The following IFITM1 variants were observed in gnomAD, a reference collection of about 807,000 sequenced individuals.
The protein encoded by IFITM1 is interferon-induced transmembrane protein 1.
A neutral mutation model predicts 4.0 loss-of-function variants in IFITM1; 1 was observed. The ratio of observed to expected loss-of-function variants is 0.25; its 90% CI spans 0.09 to 1.18. The LOEUF is 1.18. IFITM1 is among the 50% of genes most tolerant of loss of function. The pLI is 0.50. For synonymous variants in IFITM1, 79 were observed against 69.7 expected, an observed-to-expected ratio of 1.13 and a Z score of -0.67; for missense variants, 131 against 163.2, an observed-to-expected ratio of 0.80 and a Z score of 1.08.
At position 314,100 on chromosome 11, in the gene IFITM1, G is replaced by T; in HGVS notation, c.-71G>T. ...GTCCCAGCATCCGGACACCACAGCGGCCCTTCGCTCCACGCAGAAAACCAC... is the reference window on the plus strand; with the variant it reads ...GTCCCAGCATCCGGACACCACAGCGTCCCTTCGCTCCACGCAGAAAACCAC... On this transcript the variant is annotated 5_prime_UTR_variant, in exon 1 of 2. Coordinates refer to ENST00000408968, the MANE Select transcript of IFITM1 (RefSeq NM_003641.5). This position sits in a 1 kb window ranked among gnomAD's most constrained non-coding sequence, Gnocchi z 4.5. The T allele has an allele frequency of 7.2e-7, 1 of 1,397,236 alleles. No individual in the cohort carries two copies. The highest frequency in any genetic ancestry group is 1.0e-6 in the Non-Finnish European group (1 of 988,712). The allele number at this position is 1,397,236 out of a possible 1,614,324, so 86.6% of individuals were successfully genotyped here. A position where few individuals can be genotyped will look rare whatever the true frequency, so the allele number is the denominator to read the frequency against.
Position 315,171 on chromosome 11 carries a change from T to A in IFITM1, c.*58T>A. 1 of 1,543,158 alleles carries A rather than the reference T, an allele frequency of 6.5e-7. No individual in the cohort carries two copies. The highest frequency in any genetic ancestry group is 8.9e-7 in the Non-Finnish European group (1 of 1,122,230). On this transcript the variant is annotated 3_prime_UTR_variant, in exon 2 of 2. Transcript: ENST00000408968. ...ACTGTGCAATGCTGGCCCTGCACGC[T>A]GGGGCTGTTGCCCCTGCCCCCTTGG...
At position 315,250 on chromosome 11, in the gene IFITM1, C is replaced by A; in HGVS notation, c.*137C>A. On this transcript the variant is annotated 3_prime_UTR_variant, in exon 2 of 2. Coordinates refer to ENST00000408968, the MANE Select transcript of IFITM1 (RefSeq NM_003641.5). ...CCACACACCTGTCTACAGTGTCATTCAATAAAGTGCACGTGCTTGTGATGA... is the reference window on the plus strand; with the variant it reads ...CCACACACCTGTCTACAGTGTCATTAAATAAAGTGCACGTGCTTGTGATGA... 1 of 788,910 alleles carries A rather than the reference C, an allele frequency of 1.3e-6. No individual in the cohort carries two copies. The highest frequency in any genetic ancestry group is 2.1e-6 in the Non-Finnish European group (1 of 486,974). 48.9% of individuals were successfully genotyped at this position (788,910 alleles called of 1,614,324 possible). A position where few individuals can be genotyped will look rare whatever the true frequency, so the allele number is the denominator to read the frequency against.
Position 314,177 on chromosome 11 carries a change from A to AAGG in IFITM1, c.12_14dup (p.Glu5dup), listed in dbSNP as rs755067631. ...CCTTCCCCAAAGCCAGAAGATGCAC[A>AAGG]AGGAGGAACATGAGGTGGCTGTGCT... On this transcript the variant is annotated inframe_insertion, in exon 1 of 2. Coordinates refer to ENST00000408968, the MANE Select transcript of IFITM1 (RefSeq NM_003641.5). The surrounding 1 kb of genome is among the most constrained non-coding windows in gnomAD (Gnocchi z 4.5). The AAGG allele has an allele frequency of 1.9e-5, 30 of 1,613,828 alleles. No individual in the cohort carries two copies. The highest frequency in any genetic ancestry group is 2.5e-5 in the Non-Finnish European group (30 of 1,179,824).
chr11:315,206 T>A lies in IFITM1; in HGVS notation c.*93T>A. The A allele has an allele frequency of 1.6e-6, 2 of 1,212,224 alleles. No individual in the cohort carries two copies. The highest frequency in any genetic ancestry group is 2.4e-6 in the Non-Finnish European group (2 of 837,018). The allele number at this position is 1,212,224 out of a possible 1,614,324, so 75.1% of individuals were successfully genotyped here. ...GCCCCTGCCCCCTTGGTCCTGCCCC[T>A]AGATACAGCAGTTTATACCCACACA... On this transcript the variant is annotated 3_prime_UTR_variant, in exon 2 of 2. Transcript: ENST00000408968.
rs1564850341 is a variant in IFITM1 at position 315,170 on chromosome 11, C to T, written c.*57C>T. The stretch of plus-strand genomic sequence containing the variant: ...CACTGTGCAATGCTGGCCCTGCACG[C>T]TGGGGCTGTTGCCCCTGCCCCCTTG... On this transcript the variant is annotated 3_prime_UTR_variant, in exon 2 of 2. Transcript: ENST00000408968. 1 of 1,560,476 alleles carries T rather than the reference C, an allele frequency of 6.4e-7. No individual in the cohort carries two copies. Among genetic ancestry groups the T allele is most frequent in the Non-Finnish European group, 8.8e-7 (1 of 1,137,490 alleles).
chr11:314,192 G>A lies in IFITM1; in HGVS notation c.22G>A (p.Val8Met), dbSNP rs1343943325. Residue 8 changes from valine (V) to methionine (M), a missense_variant, in exon 1 of 2, where the codon GTG (valine) becomes ATG (methionine). By Grantham distance (21) the Val-to-Met change is conservative. This residue lies in a region of IFITM1 where 77 missense variants were observed against 80.1 expected (regional missense o/e 0.96). Transcript: ENST00000408968. This position sits in a 1 kb window ranked among gnomAD's most constrained non-coding sequence, Gnocchi z 4.5. MHKEEHEVAVLGPPPSTI... is the reference protein window; with the variant it reads MHKEEHEMAVLGPPPSTI... Reference sequence around the variant, plus strand: ...GAAGATGCACAAGGAGGAACATGAGGTGGCTGTGCTGGGGCCACCCCCCAG... The same window carrying A: ...GAAGATGCACAAGGAGGAACATGAGATGGCTGTGCTGGGGCCACCCCCCAG... The A allele has an allele frequency of 6.2e-7, 1 of 1,613,930 alleles. No individual in the cohort carries two copies. Among genetic ancestry groups the A allele is most frequent in the Non-Finnish European group, 8.5e-7 (1 of 1,179,968 alleles).
rs1022291727 is a variant in IFITM1 at position 314,044 on chromosome 11, C to T, written c.-127C>T. 6.9e-6 allele frequency: 5 copies of T among 726,200 alleles called. No individual in the cohort carries two copies. Among genetic ancestry groups the T allele is most frequent in the Non-Finnish European group, 9.5e-6 (4 of 423,280 alleles). The allele number at this position is 726,200 out of a possible 1,614,324, so 45.0% of individuals were successfully genotyped here. A position where few individuals can be genotyped will look rare whatever the true frequency, so the allele number is the denominator to read the frequency against. ...AATACACACTTCTGAGAAACTGAAA[C>T]GACAGGGGAAAGGAGGTCTCACTGA... On this transcript the variant is annotated 5_prime_UTR_variant, in exon 1 of 2. The change creates a new upstream start codon in the 5' untranslated region. Transcript: ENST00000408968. The surrounding 1 kb of genome is among the most constrained non-coding windows in gnomAD (Gnocchi z 4.5).
rs373112031 is a variant in IFITM1 at position 314,351 on chromosome 11, G to A, written c.181G>A (p.Val61Met). Residue 61 changes from valine to methionine, a missense_variant, in exon 1 of 2, where the codon GTG (valine) becomes ATG (methionine). This residue lies in a region of IFITM1 where 77 missense variants were observed against 80.1 expected (regional missense o/e 0.96). Coordinates refer to ENST00000408968, the MANE Select transcript of IFITM1 (RefSeq NM_003641.5). This position sits in a 1 kb window ranked among gnomAD's most constrained non-coding sequence, Gnocchi z 4.5. Reference sequence around the variant, plus strand: ...GGGCTTCATAGCATTCGCCTACTCCGTGAAGGTGCGTATGGCCCTGGCGGA... The same window carrying A: ...GGGCTTCATAGCATTCGCCTACTCCATGAAGGTGCGTATGGCCCTGGCGGA... ...CLGFIAFAYS[V>M]KSRDRKMVGD... The A allele has an allele frequency of 3.4e-5, 55 of 1,613,818 alleles. No homozygotes were observed. The highest frequency in any genetic ancestry group is 9.3e-5 in the African/African-American group (7 of 74,926).
chr11:314,268 T>C lies in IFITM1; in HGVS notation c.98T>C (p.Val33Ala), dbSNP rs1846031924. 1 of 1,613,814 alleles carries C rather than the reference T, an allele frequency of 6.2e-7. No homozygotes were observed. Among genetic ancestry groups the C allele is most frequent in the African/African-American group, 1.3e-5 (1 of 74,890 alleles). Reference protein sequence around the residue: ...TVINIHSETSVPDHVVWSLFN... With the variant: ...TVINIHSETSAPDHVVWSLFN... ...ATCAACATCCACAGCGAGACCTCCGTGCCCGACCATGTCGTCTGGTCCCTG... is the reference window on the plus strand; with the variant it reads ...ATCAACATCCACAGCGAGACCTCCGCGCCCGACCATGTCGTCTGGTCCCTG... Residue 33 changes from valine (V) to alanine (A), a missense_variant, in exon 1 of 2, where the codon GTG (valine) becomes GCG (alanine). This residue lies in a region of IFITM1 where 77 missense variants were observed against 80.1 expected (regional missense o/e 0.96). Coordinates refer to ENST00000408968, the MANE Select transcript of IFITM1 (RefSeq NM_003641.5). This position sits in a 1 kb window ranked among gnomAD's most constrained non-coding sequence, Gnocchi z 4.5.
Position 314,365 on chromosome 11 carries a change from G to A in IFITM1, c.186+9G>A, listed in dbSNP as rs1846033304. 3.1e-6 allele frequency: 5 copies of A among 1,613,556 alleles called. No individual in the cohort carries two copies. The East Asian group carries it at 1.1e-4, about 36-fold the overall frequency. ...TCGCCTACTCCGTGAAGGTGCGTAT[G>A]GCCCTGGCGGAAATCCAGGGGGTGC... On this transcript the variant is annotated intron_variant, in intron 1 of 1. Transcript: ENST00000408968. This position sits in a 1 kb window ranked among gnomAD's most constrained non-coding sequence, Gnocchi z 4.5.
In IFITM1 at chr11:314,316, G is replaced by C. The variant is rs747717593; in HGVS notation, c.146G>C (p.Trp49Ser). Residue 49 changes from tryptophan (W) to serine (S), a missense_variant, in exon 1 of 2, where the codon TGG becomes TCG. By Grantham distance (177) the Trp-to-Ser change is radical. Around this residue, in one of 3 missense-constraint regions of IFITM1, gnomAD observed 77 missense variants for 80.1 expected, o/e 0.96. Coordinates refer to ENST00000408968, the MANE Select transcript of IFITM1 (RefSeq NM_003641.5). This position sits in a 1 kb window ranked among gnomAD's most constrained non-coding sequence, Gnocchi z 4.5. Reference sequence around the variant, plus strand: ...CTGTTCAACACCCTCTTCTTGAACTGGTGCTGTCTGGGCTTCATAGCATTC... The same window carrying C: ...CTGTTCAACACCCTCTTCTTGAACTCGTGCTGTCTGGGCTTCATAGCATTC... ...WSLFNTLFLN[W>S]CCLGFIAFAY... 1.9e-6 allele frequency: 3 copies of C among 1,613,816 alleles called. No homozygotes were observed. The highest frequency in any genetic ancestry group is 1.3e-5 in the African/African-American group (1 of 74,908).
Position 314,149 on chromosome 11 carries a change from C to T in IFITM1, c.-22C>T. On this transcript the variant is annotated 5_prime_UTR_variant, in exon 1 of 2. Transcript: ENST00000408968. This position sits in a 1 kb window ranked among gnomAD's most constrained non-coding sequence, Gnocchi z 4.5. Reference sequence around the variant, plus strand: ...ACACTTCTCAAACCTTCACTCAACACTTCCTTCCCCAAAGCCAGAAGATGC... The same window carrying T: ...ACACTTCTCAAACCTTCACTCAACATTTCCTTCCCCAAAGCCAGAAGATGC... 2 of 1,612,212 alleles carry T rather than the reference C, an allele frequency of 1.2e-6. No individual in the cohort carries two copies. The highest frequency in any genetic ancestry group is 1.7e-4 in the Middle Eastern group (1 of 6,058).
rs992420894 is a variant in IFITM1 at position 314,734 on chromosome 11, G to A, written c.187-188G>A. Among the ~76,000 whole-genome samples the A allele has an allele frequency of 6.6e-6, 1 of 152,214 alleles. No homozygotes were observed. The highest frequency in any genetic ancestry group is 2.4e-5 in the African/African-American group (1 of 41,456). Reference sequence around the variant, plus strand: ...AACTCACAGGTGACTTCACCCCATGGTGGGGAGAACAGCCTGTGCTGGGGC... The same window carrying A: ...AACTCACAGGTGACTTCACCCCATGATGGGGAGAACAGCCTGTGCTGGGGC... On this transcript the variant is annotated intron_variant, in intron 1 of 1. Transcript: ENST00000408968. The surrounding 1 kb of genome is among the most constrained non-coding windows in gnomAD (Gnocchi z 4.5).
Position 314,161 on chromosome 11 carries a change from A to G in IFITM1, c.-10A>G, listed in dbSNP as rs1134669. On this transcript the variant is annotated 5_prime_UTR_variant, in exon 1 of 2. Transcript: ENST00000408968. The surrounding 1 kb of genome is among the most constrained non-coding windows in gnomAD (Gnocchi z 4.5). ...CCTTCACTCAACACTTCCTTCCCCAAAGCCAGAAGATGCACAAGGAGGAAC... is the reference window on the plus strand; with the variant it reads ...CCTTCACTCAACACTTCCTTCCCCAGAGCCAGAAGATGCACAAGGAGGAAC... The G allele has an allele frequency of 6.2e-7, 1 of 1,613,170 alleles. No individual in the cohort carries two copies. The highest frequency in any genetic ancestry group is 1.1e-5 in the South Asian group (1 of 91,062).
chr11:315,098 A>T lies in IFITM1; in HGVS notation c.363A>T (p.Glu121Asp), dbSNP rs775879015. 1 of 1,614,136 alleles carries T rather than the reference A, an allele frequency of 6.2e-7. No homozygotes were observed. Among genetic ancestry groups the T allele is most frequent in the Non-Finnish European group, 8.5e-7 (1 of 1,179,988 alleles). Reference sequence around the variant, plus strand: ...ATATTATGTTACAGATAATACAGGAAAAACGGGGTTACTAGTAGCCGCCCA... The same window carrying T: ...ATATTATGTTACAGATAATACAGGATAAACGGGGTTACTAGTAGCCGCCCA... ...VYHIMLQIIQ[E>D]KRGY The change falls in exon 2 of 2, where the codon GAA becomes GAT. Residue 121 changes from glutamate to aspartate, a missense_variant. Around this residue, in one of 3 missense-constraint regions of IFITM1, gnomAD observed 35 missense variants for 30.1 expected, o/e 1.16. Transcript: ENST00000408968.
chr11:314,180 G>A lies in IFITM1; in HGVS notation c.10G>A (p.Glu4Lys). Residue 4 changes from glutamate (E) to lysine (K), a missense_variant, in exon 1 of 2, where the codon GAG (glutamate) becomes AAG (lysine). By Grantham distance (56) the Glu-to-Lys change is moderately conservative. Around this residue, in one of 3 missense-constraint regions of IFITM1, gnomAD observed 77 missense variants for 80.1 expected, o/e 0.96. Coordinates refer to ENST00000408968, the MANE Select transcript of IFITM1 (RefSeq NM_003641.5). The surrounding 1 kb of genome is among the most constrained non-coding windows in gnomAD (Gnocchi z 4.5). MHKEEHEVAVLGPP... is the reference protein window; with the variant it reads MHKKEHEVAVLGPP... ...TCCCCAAAGCCAGAAGATGCACAAGGAGGAACATGAGGTGGCTGTGCTGGG... is the reference window on the plus strand; with the variant it reads ...TCCCCAAAGCCAGAAGATGCACAAGAAGGAACATGAGGTGGCTGTGCTGGG... 2 of 1,613,912 alleles carry A rather than the reference G, an allele frequency of 1.2e-6. No homozygotes were observed. The highest frequency in any genetic ancestry group is 8.5e-7 in the Non-Finnish European group (1 of 1,179,882).
In IFITM1 at chr11:314,428, G is replaced by C. The variant is rs1846033979; in HGVS notation, c.186+72G>C. The C allele has an allele frequency of 6.4e-7, 1 of 1,570,374 alleles. No individual in the cohort carries two copies. The highest frequency in any genetic ancestry group is 1.3e-5 in the African/African-American group (1 of 74,274). On this transcript the variant is annotated intron_variant, in intron 1 of 1. Transcript: ENST00000408968. The surrounding 1 kb of genome is among the most constrained non-coding windows in gnomAD (Gnocchi z 4.5). Reference sequence around the variant, plus strand: ...GGCTCCACCTGCCCACATGCTGCCTGGGGTGGGGACTTGTGTGTCCCTGTG... The same window carrying C: ...GGCTCCACCTGCCCACATGCTGCCTCGGGTGGGGACTTGTGTGTCCCTGTG...
In IFITM1 at chr11:314,057, G is replaced by T. The variant is rs1478237202; in HGVS notation, c.-114G>T. ...GAGAAACTGAAACGACAGGGGAAAG[G>T]AGGTCTCACTGAGCACCGTCCCAGC... On this transcript the variant is annotated 5_prime_UTR_variant, in exon 1 of 2. Transcript: ENST00000408968. This position sits in a 1 kb window ranked among gnomAD's most constrained non-coding sequence, Gnocchi z 4.5. 4 of 783,666 alleles carry T rather than the reference G, an allele frequency of 5.1e-6. No homozygotes were observed. The highest frequency in any genetic ancestry group is 8.6e-6 in the Non-Finnish European group (4 of 463,476). 48.5% of individuals were successfully genotyped at this position (783,666 alleles called of 1,614,324 possible). A position where few individuals can be genotyped will look rare whatever the true frequency, so the allele number is the denominator to read the frequency against.
chr11:314,877 C>T lies in IFITM1; in HGVS notation c.187-45C>T. ...GGAGACGGAGCCATAGCACGCGGCT[C>T]TCAGCTGGGGGATCCTGGTCCCCTC... On this transcript the variant is annotated intron_variant, in intron 1 of 1. Coordinates refer to ENST00000408968, the MANE Select transcript of IFITM1 (RefSeq NM_003641.5). The surrounding 1 kb of genome is among the most constrained non-coding windows in gnomAD (Gnocchi z 4.5). 46 of 1,606,526 alleles carry T rather than the reference C, an allele frequency of 2.9e-5. No homozygotes were observed. Among genetic ancestry groups the T allele is most frequent in the Non-Finnish European group, 3.8e-5 (45 of 1,176,246 alleles).
Sources: gnomAD v4.1 joint callset for allele counts (sites outside exome capture counted in the v4.1 genomes callset) on GRCh38, gnomAD v4.1.1 for gene constraint, gnomAD v4.1.1 regional missense constraint, Gnocchi (gnomAD v3.1) non-coding constraint, MANE v1.5 for transcripts, NCBI Gene and HGNC (gene_info 2026-07-23, HGNC 2026-07-21) for gene names.